SLC67A2: variants seen among roughly 807,000 people sequenced by gnomAD.
SLC67A2 encodes the protein solute carrier family 67 member A2.
At chr2:102,731,238 C>A in the SLC67A2 span, among the ~76,000 whole-genome samples, 1 of 151,360 alleles carries the variant, frequency 6.6e-6, no homozygotes, top group African/African-American at 2.4e-5. Context: ...GGAAGTAATA[C>A]AATTTCTAAC....
the SLC67A2 span, among the ~76,000 whole-genome samples, chr2:102,733,917 G>A: frequency 6.6e-6 from 1 of 152,160 alleles, no homozygotes; most frequent in Non-Finnish European, 1.5e-5. Context: ...TTAGCACTTG[G>A]TGAGTCTGAA....
the SLC67A2 span, chr2:102,731,009 T>C: frequency 6.2e-7 from 1 of 1,612,356 alleles, no homozygotes. Context: ...GGATGAGACA[T>C]GTGATCATAA....
the SLC67A2 span, among the ~76,000 whole-genome samples, chr2:102,734,728 C>G: frequency 1.3e-5 from 2 of 152,044 alleles, no homozygotes; most frequent in African/African-American, 4.8e-5. Context: ...ATATGAGACA[C>G]CTAATGGTTC....
the SLC67A2 span, chr2:102,716,284 C>A: frequency 1.3e-5 from 2 of 152,050 alleles, no homozygotes; most frequent in African/African-American, 4.8e-5. Context: ...AATAAAAACA[C>A]GACTATAAGG....
chr2:102,718,516 G>A, the SLC67A2 span: 20 of 1,613,732 alleles, frequency 1.2e-5, no homozygotes, highest in Non-Finnish European at 1.7e-6. Flanking sequence ...CAGCGCCCAG[G>A]CTGGGGGGGC....
the SLC67A2 span, among the ~76,000 whole-genome samples, chr2:102,722,339 A>G: frequency 6.6e-6 from 1 of 152,126 alleles, no homozygotes; most frequent in South Asian, 2.1e-4. Context: ...GAAAGCCAGC[A>G]TGGCCAGAAT....
At chr2:102,729,444 G>A in the SLC67A2 span, among the ~76,000 whole-genome samples, 1 of 152,156 alleles carries the variant, frequency 6.6e-6, no homozygotes, top group African/African-American at 2.4e-5. Flanking sequence ...AGCTCTAACA[G>A]ATACACACAT....
the SLC67A2 span, among the ~76,000 whole-genome samples, chr2:102,728,160 C>T: frequency 6.6e-6 from 1 of 152,038 alleles, no homozygotes; most frequent in African/African-American, 2.4e-5. Flanking sequence ...CTTAAAAGAA[C>T]AATTACTAAA....
the SLC67A2 span, among the ~76,000 whole-genome samples, chr2:102,733,671 GA>G: frequency 1.3e-5 from 2 of 151,876 alleles, no homozygotes; most frequent in Admixed American, 6.5e-5. Flanking sequence ...ACATTTAAAA[GA>G]CTCAAAATGT....
the SLC67A2 span, chr2:102,715,766 T>C: frequency 6.6e-6 from 1 of 152,212 alleles, no homozygotes; most frequent in East Asian, 1.9e-4. Flanking sequence ...AGCAACTTCA[T>C]GTGGCTCAAC....
the SLC67A2 span, chr2:102,731,124 TTAA>T: frequency 3.4e-6 from 5 of 1,463,700 alleles, no homozygotes; most frequent in Non-Finnish European, 4.8e-6. Flanking sequence ...CAAAAATGGA[TTAA>T]TGTGATAACA....
At chr2:102,725,287 G>A in the SLC67A2 span, among the ~76,000 whole-genome samples, 2 of 152,214 alleles carry the variant, frequency 1.3e-5, no homozygotes, top group Admixed American at 6.5e-5. Context: ...ACTCAACACT[G>A]TGGAGGTTAC....
chr2:102,734,968 G>A, the SLC67A2 span, among the ~76,000 whole-genome samples: 1 of 152,160 alleles, frequency 6.6e-6, no homozygotes, highest in African/African-American at 2.4e-5. Flanking sequence ...TTCCAGGTAA[G>A]GGCTCAAATG....
the SLC67A2 span, among the ~76,000 whole-genome samples, chr2:102,722,141 A>C: frequency 1.3e-5 from 2 of 152,254 alleles, no homozygotes; most frequent in Admixed American, 1.3e-4. Flanking sequence ...AATTTCAAGA[A>C]TGCTATGAAG....
At chr2:102,723,718 C>T in the SLC67A2 span, 1 of 1,614,068 alleles carries the variant, frequency 6.2e-7, no homozygotes, top group Non-Finnish European at 8.5e-7. Context: ...AGAATGAAGA[C>T]CAAAAAGCAG....
the SLC67A2 span, among the ~76,000 whole-genome samples, chr2:102,721,869 T>A: frequency 2.0e-5 from 3 of 152,032 alleles, no homozygotes; most frequent in East Asian, 5.8e-4. Context: ...CATGCCTGGA[T>A]AATTAAAAAA....
the SLC67A2 span, chr2:102,718,329 C>T: frequency 2.0e-6 from 3 of 1,490,692 alleles, no homozygotes; most frequent in African/African-American, 4.2e-5. Flanking sequence ...TCCCTTCCAC[C>T]CCAACCCTTT....
chr2:102,727,451 T>A, the SLC67A2 span, among the ~76,000 whole-genome samples: 1 of 152,234 alleles, frequency 6.6e-6, no homozygotes, highest in African/African-American at 2.4e-5. Flanking sequence ...GTAACTTGCT[T>A]TTTTACTTAA....
At chr2:102,718,415 T>A in the SLC67A2 span, 1 of 1,613,360 alleles carries the variant, frequency 6.2e-7, no homozygotes, top group South Asian at 1.1e-5. Context: ...GTTGTCCAAA[T>A]CCATCTACTC....
Sources: gnomAD v4.1 joint callset for allele counts (sites outside exome capture counted in the v4.1 genomes callset) on GRCh38, gnomAD v4.1.1 for gene constraint, MANE v1.5 for transcripts, NCBI Gene and HGNC (gene_info 2026-07-23, HGNC 2026-07-21) for gene names.